Variants in MACROD2 observed in about 807,000 individuals in gnomAD.
MACROD2 encodes mono-ADP ribosylhydrolase 2.
MACROD2 carries 36 observed loss-of-function variants against 70.4 expected under a neutral mutation model. The observed-to-expected ratio is 0.51, with a 90% CI of 0.39 to 0.68. MACROD2 has a LOEUF of 0.68. Ranked by LOEUF, MACROD2 falls within the 30% of genes least tolerant of loss-of-function variation. The pLI is 0.00. For missense variants in MACROD2, 496 were observed against 538.4 expected (o/e 0.92, Z 0.78); for synonymous variants, 172 against 178.8 (o/e 0.96, Z 0.30).
chr20:14,898,841 G>T (rs2073861529), intron 5 of MACROD2, among the ~76,000 whole-genome samples: 1 of 152,120 alleles, frequency 6.6e-6, no homozygotes, highest in Non-Finnish European at 1.5e-5. Context: ...TGAATGAGAG[G>T]TGAGGCCCTC....
At chr20:14,919,671 T>G (rs1388476191) in intron 5 of MACROD2, among the ~76,000 whole-genome samples, 1 of 152,206 alleles carries the variant, frequency 6.6e-6, no homozygotes, top group African/African-American at 2.4e-5. Context: ...CTCAGTGGGC[T>G]TAATTCAAAG....
intron 5 of MACROD2, among the ~76,000 whole-genome samples, chr20:14,832,406 A>AG (rs778847199): frequency 6.6e-6 from 1 of 152,046 alleles, no homozygotes; most frequent in East Asian, 1.9e-4. Flanking sequence ...GGAGGTACAG[A>AG]GGAGGGGAGA....
intron 3 of MACROD2, among the ~76,000 whole-genome samples, chr20:14,433,888 G>A (rs898132125): frequency 2.0e-5 from 3 of 151,998 alleles, no homozygotes; most frequent in Non-Finnish European, 4.4e-5. Context: ...TCTCAATGAA[G>A]CTTTATCTAT....
chr20:15,747,664 C>G (rs2146974372), intron 8 of MACROD2, among the ~76,000 whole-genome samples: 1 of 152,226 alleles, frequency 6.6e-6, no homozygotes, highest in South Asian at 2.1e-4. Flanking sequence ...CGCATCTTTG[C>G]TACAATTGCT....
At chr20:15,766,600 G>A (rs1007462018) in intron 8 of MACROD2, among the ~76,000 whole-genome samples, 7 of 152,086 alleles carry the variant, frequency 4.6e-5, no homozygotes, top group African/African-American at 1.7e-4. Context: ...ACCCCAGGAA[G>A]GGTGGTCAAC....
At chr20:14,202,687 G>T (rs1169719681) in intron 3 of MACROD2, among the ~76,000 whole-genome samples, 3 of 152,200 alleles carry the variant, frequency 2.0e-5, no homozygotes, top group Non-Finnish European at 4.4e-5. Context: ...AGACTACCTA[G>T]TTGCAGAAAG....
chr20:16,039,113 C>T (rs371800537), intron 15 of MACROD2, among the ~76,000 whole-genome samples: 1 of 151,956 alleles, frequency 6.6e-6, no homozygotes, highest in East Asian at 1.9e-4. Flanking sequence ...TGTGCAATGT[C>T]AGCTTCACCA....
intron 10 of MACROD2, among the ~76,000 whole-genome samples, chr20:15,904,184 G>GTGTT (rs879364115): frequency 6.6e-6 from 1 of 152,036 alleles, no homozygotes; most frequent in African/African-American, 2.4e-5. Context: ...TTTTTAATTT[G>GTGTT]TGTTTGTTTG....
At chr20:15,423,875 A>C (rs2046262476) in intron 6 of MACROD2, among the ~76,000 whole-genome samples, 1 of 152,100 alleles carries the variant, frequency 6.6e-6, no homozygotes, top group Non-Finnish European at 1.5e-5. Context: ...GATTTAAACA[A>C]CAAGCATTTA....
chr20:14,128,126 A>G, intron 3 of MACROD2: 1 of 526,894 alleles, frequency 1.9e-6, no homozygotes, highest in Non-Finnish European at 3.7e-6. Context: ...AGAAGGTTGA[A>G]ATCTTGGCCC....
At chr20:14,698,069 C>T (rs1231949462) in intron 5 of MACROD2, among the ~76,000 whole-genome samples, 7 of 152,088 alleles carry the variant, frequency 4.6e-5, no homozygotes, top group African/African-American at 1.7e-4. Flanking sequence ...AGACAGGGAC[C>T]TCACCCTCAT....
intron 4 of MACROD2, among the ~76,000 whole-genome samples, chr20:14,536,935 A>G (rs571333697): frequency 1.3e-5 from 2 of 152,280 alleles, no homozygotes; most frequent in East Asian, 3.9e-4. Context: ...GATAATAATT[A>G]ATGCCACAGA....
At chr20:15,188,050 G>A (rs1457707965) in intron 5 of MACROD2, among the ~76,000 whole-genome samples, 3 of 151,994 alleles carry the variant, frequency 2.0e-5, no homozygotes, top group Admixed American at 1.3e-4. Context: ...TATAAAATTC[G>A]GCACATCAAT....
intron 8 of MACROD2, among the ~76,000 whole-genome samples, chr20:15,653,717 A>G (rs926582564): frequency 6.6e-6 from 1 of 152,092 alleles, no homozygotes; most frequent in Non-Finnish European, 1.5e-5. Flanking sequence ...TCATTTCTCA[A>G]CACTTACCAG....
chr20:14,871,281 C>T (rs2073485303), intron 5 of MACROD2, among the ~76,000 whole-genome samples: 1 of 152,090 alleles, frequency 6.6e-6, no homozygotes, highest in African/African-American at 2.4e-5. Context: ...GGTTAGGTCA[C>T]CTATAAAGGG....
chr20:14,203,179 G>A (rs1417441217), intron 3 of MACROD2, among the ~76,000 whole-genome samples: 1 of 151,996 alleles, frequency 6.6e-6, no homozygotes, highest in African/African-American at 2.4e-5. Flanking sequence ...TACTGTTGAA[G>A]CTCAATTGTA....
intron 5 of MACROD2, among the ~76,000 whole-genome samples, chr20:14,926,710 T>C (rs867735628): frequency 6.6e-6 from 1 of 152,094 alleles, no homozygotes; most frequent in South Asian, 2.1e-4. Context: ...GTGTTGAACA[T>C]GATTTCAACT....
chr20:15,478,351 C>G (rs1302840650), intron 7 of MACROD2, among the ~76,000 whole-genome samples: 2 of 152,188 alleles, frequency 1.3e-5, no homozygotes, highest in Non-Finnish European at 2.9e-5. Flanking sequence ...GTGCACCCTC[C>G]TGTCCCCTCT....
At chr20:14,811,189 A>G (rs940576358) in intron 5 of MACROD2, among the ~76,000 whole-genome samples, 1 of 152,116 alleles carries the variant, frequency 6.6e-6, no homozygotes, top group African/African-American at 2.4e-5. Flanking sequence ...TTCAAAGTAT[A>G]CTACAAGGCT....
Sources: allele counts gnomAD v4.1 joint callset (sites outside exome capture counted in the v4.1 genomes callset), GRCh38; gene constraint gnomAD v4.1.1; transcripts MANE v1.5; gene names NCBI Gene and HGNC (gene_info 2026-07-23, HGNC 2026-07-21).